The following FOXP2 variants were observed in gnomAD, a reference collection of about 807,000 sequenced individuals.
FOXP2 encodes the protein forkhead box protein P2.
Under a neutral mutation model 115.8 loss-of-function variants are expected in FOXP2, and 12 were observed. That is an observed-to-expected ratio of 0.10 (90% confidence interval 0.07 to 0.17). The LOEUF is 0.17. FOXP2 is among the 10% of genes least tolerant of loss of function. The probability of loss-of-function intolerance (pLI) is 1.00; values close to 1 mark genes in which losing one functional copy is unlikely to be tolerated. For missense variants in FOXP2, 629 were observed against 843.5 expected (o/e 0.75, Z 3.15); for synonymous variants, 328 against 297.7 (o/e 1.10, Z -1.05).
intron 2 of FOXP2, among the ~76,000 whole-genome samples, chr7:114,317,861 TTAAACACAC>T (rs1279222803): frequency 6.6e-6 from 1 of 152,138 alleles, no homozygotes; most frequent in East Asian, 1.9e-4. Flanking sequence ...TTGCTGTTTG[TTAAACACAC>T]TAAACACACT....
chr7:114,204,645 G>A (rs1365642410), intron 1 of FOXP2, among the ~76,000 whole-genome samples: 1 of 152,038 alleles, frequency 6.6e-6, no homozygotes, highest in Non-Finnish European at 1.5e-5. Context: ...TCCATTTAAG[G>A]CATCACGCAC....
At chr7:114,497,636 G>C (rs1797378563) in intron 2 of FOXP2, among the ~76,000 whole-genome samples, 1 of 151,376 alleles carries the variant, frequency 6.6e-6, no homozygotes, top group East Asian at 1.9e-4. Context: ...CTGGGTGAAA[G>C]AGCAAGCCTC....
intron 3 of FOXP2, among the ~76,000 whole-genome samples, chr7:114,555,069 G>A (rs10953764): frequency 0.17 from 26,133 of 152,080 alleles, 2,692 homozygotes; most frequent in African/African-American, 0.29. Context: ...CAAGTCAGAT[G>A]TTCCCATTAC....
chr7:114,621,623 A>G (rs1376757654), intron 3 of FOXP2, among the ~76,000 whole-genome samples: 1 of 151,990 alleles, frequency 6.6e-6, no homozygotes, highest in Non-Finnish European at 1.5e-5. Context: ...GTGCAGTGAG[A>G]GCATCCTAAT....
intron 3 of FOXP2, among the ~76,000 whole-genome samples, 173 bp from the exon 4 acceptor site, chr7:114,628,367 T>C (rs1173689971): frequency 6.6e-6 from 1 of 152,218 alleles, no homozygotes; most frequent in African/African-American, 2.4e-5. Flanking sequence ...CTAGTGTCTA[T>C]GTTTTGTGAT....
intron 3 of FOXP2, among the ~76,000 whole-genome samples, chr7:114,543,737 T>C (rs1017280793): frequency 1.3e-5 from 2 of 152,206 alleles, no homozygotes; most frequent in Non-Finnish European, 2.9e-5. Flanking sequence ...GTGCAATGTC[T>C]AGAGACTTAG....
chr7:114,539,144 T>C (rs1000030562), intron 3 of FOXP2, among the ~76,000 whole-genome samples: 2 of 151,862 alleles, frequency 1.3e-5, no homozygotes, highest in Admixed American at 1.3e-4. Flanking sequence ...AAACTAATTA[T>C]CAATACTGAA....
chr7:114,579,094 C>T (rs569959077), intron 3 of FOXP2, among the ~76,000 whole-genome samples: 32 of 152,106 alleles, frequency 2.1e-4, no homozygotes, highest in Non-Finnish European at 4.0e-4. Flanking sequence ...TGAGGGTTTC[C>T]CAGGCTTTTC....
At position 114,625,139 on chromosome 7, in the gene FOXP2, T is replaced by A. The variant is rs991538648; in HGVS notation, c.259-3401T>A. On this transcript the variant is annotated intron_variant, in intron 3 of 16. Transcript: ENST00000350908. ...GTGCATCACTAAGGAGAATTTTAAA[T>A]CTGTCAGCAAAGTAAATACCAAGAG... Among the ~76,000 whole-genome samples, 9 of 151,824 alleles carry A rather than the reference T, an allele frequency of 5.9e-5. No individual in the cohort carries two copies. The East Asian group carries it at 1.5e-3, about 26-fold the overall frequency.
chr7:114,527,364 C>T (rs898902940), intron 2 of FOXP2, among the ~76,000 whole-genome samples: 5 of 151,908 alleles, frequency 3.3e-5, no homozygotes, highest in African/African-American at 1.2e-4. Context: ...CTTTGTTTAA[C>T]CTTTTCCAGA....
intron 3 of FOXP2, among the ~76,000 whole-genome samples, chr7:114,536,180 T>C (rs946414870): frequency 3.3e-5 from 5 of 151,562 alleles, no homozygotes; most frequent in Admixed American, 1.3e-4. Context: ...GAGAATTAGA[T>C]GCTGGCAACA....
intron 1 of FOXP2, among the ~76,000 whole-genome samples, chr7:114,186,773 A>G (rs1220459837): frequency 6.6e-6 from 1 of 152,128 alleles, no homozygotes; most frequent in African/African-American, 2.4e-5. Flanking sequence ...CAGGTCATGC[A>G]CTGTATACAT....
chr7:114,291,928 T>C (rs1796608063), intron 2 of FOXP2, among the ~76,000 whole-genome samples: 1 of 142,424 alleles, frequency 7.0e-6, no homozygotes, highest in African/African-American at 2.6e-5. Flanking sequence ...TTATAGATAA[T>C]ATATAGAATA....
rs977529416 is a variant in FOXP2 at position 114,331,298 on chromosome 7, T to G, written c.-11+43189T>G. 1.1e-4 allele frequency among the ~76,000 whole-genome samples: 17 copies of G among 152,308 alleles called. No homozygotes were observed. The Middle Eastern group carries it at 0.017, about 152-fold the overall frequency. On this transcript the variant is annotated intron_variant, in intron 2 of 17. Transcript: ENST00000634411. ...GTCCTGTTATAAAGAATTTTAAAAT[T>G]CCTTTATTGGACAAAAGTCTCAGGT... is the stretch of plus-strand genomic sequence containing the variant.
chr7:114,406,041 T>A (rs1793028662), intron 2 of FOXP2, among the ~76,000 whole-genome samples: 1 of 151,876 alleles, frequency 6.6e-6, no homozygotes, highest in South Asian at 2.1e-4. Context: ...CAGGTGGATA[T>A]TTAGCTAGTC....
intron 16 of FOXP2, chr7:114,666,435 C>T (rs1176048004): frequency 6.6e-6 from 1 of 151,918 alleles, no homozygotes; most frequent in African/African-American, 2.4e-5. Context: ...CTATCTTCAC[C>T]TTTATAAAGT....
intron 2 of FOXP2, among the ~76,000 whole-genome samples, chr7:114,463,915 A>G (rs1795694748): frequency 6.6e-6 from 1 of 152,220 alleles, no homozygotes; most frequent in Non-Finnish European, 1.5e-5. Context: ...AATAACTAAC[A>G]AAGAGAGAGA....
At chr7:114,654,048 C>T (rs777620416) in intron 10 of FOXP2, 39 bp downstream of exon 10, 25 of 1,612,330 alleles carry the variant, frequency 1.6e-5, no homozygotes, top group African/African-American at 2.7e-5. Flanking sequence ...AATAGCTCTA[C>T]CAATGTAACA....
chr7:114,423,104 C>T (rs1212492187), intron 1 of FOXP2, among the ~76,000 whole-genome samples: 1 of 151,684 alleles, frequency 6.6e-6, no homozygotes, highest in Non-Finnish European at 1.5e-5. Context: ...GTGTTTAATG[C>T]TGGATTATAG....
Sources: gnomAD v4.1 joint callset for allele counts (sites outside exome capture counted in the v4.1 genomes callset) on GRCh38, gnomAD v4.1.1 for gene constraint, MANE v1.5 for transcripts, NCBI Gene and HGNC (gene_info 2026-07-23, HGNC 2026-07-21) for gene names.